Variants in NOG observed in about 807,000 individuals in gnomAD.
The protein encoded by NOG is noggin.
NOG carries 2 observed loss-of-function variants against 17.9 expected under a neutral mutation model. The ratio of observed to expected loss-of-function variants is 0.11; its 90% confidence interval spans 0.05 to 0.35. NOG has a LOEUF of 0.35. Ranked by LOEUF, NOG falls within the 10% of genes least tolerant of loss-of-function variation. The pLI is 1.00. For missense variants in NOG, 266 were observed against 318.6 expected, an observed-to-expected ratio of 0.83 and a Z score of 1.26; for synonymous variants, 166 against 148.7, an observed-to-expected ratio of 1.12 and a Z score of -0.85.
Position 56,594,207 on chromosome 17 carries a change from G to C in NOG, c.-17G>C, listed in dbSNP as rs1466661720. The C allele has an allele frequency of 2.6e-6, 4 of 1,550,902 alleles. No homozygotes were observed. The highest frequency in any genetic ancestry group is 3.5e-6 in the Non-Finnish European group (4 of 1,148,840). ...GGACGCGGGACGAAGCAGCAGCCCC[G>C]GGCGCGCGCCAGAGGCATGGAGCGC... is the stretch of plus-strand genomic sequence containing the variant. On this transcript the variant is annotated 5_prime_UTR_variant, in exon 1 of 1. Coordinates refer to ENST00000332822, the MANE Select transcript of NOG (RefSeq NM_005450.6).
rs1029624810 is a variant in NOG at position 56,594,107 on chromosome 17, C to G, written c.-117C>G. 1.2e-6 allele frequency: 1 copy of G among 854,644 alleles called. No homozygotes were observed. Among genetic ancestry groups the G allele is most frequent in the African/African-American group, 1.8e-5 (1 of 55,136 alleles). 52.9% of individuals were successfully genotyped at this position (854,644 alleles called of 1,614,324 possible). ...CTCATGCTGCCGGCCCTGCGCCTGCCCAGCCTCGGGTGAGCCGCCTCCGGA... is the reference window on the plus strand; with the variant it reads ...CTCATGCTGCCGGCCCTGCGCCTGCGCAGCCTCGGGTGAGCCGCCTCCGGA... On this transcript the variant is annotated 5_prime_UTR_variant, in exon 1 of 1. Coordinates refer to ENST00000332822, the MANE Select transcript of NOG (RefSeq NM_005450.6).
At position 56,594,537 on chromosome 17, in the gene NOG, A is replaced by T; in HGVS notation, c.314A>T (p.Asp105Val). ...GGCGCGGAGGACCTGGCGGAGCTGG[A>T]CCAGCTGCTGCGGCAGCGGCCGTCG... ...AGGAEDLAEL[D>V]QLLRQRPSGA... The change falls in exon 1 of 1, where the codon GAC becomes GTC. Residue 105 changes from aspartate (D) to valine (V), a missense_variant. Asp to Val is a radical substitution (Grantham distance 152, BLOSUM62 -3). Around this residue, in one of 2 missense-constraint regions of NOG, gnomAD observed 192 missense variants for 197.6 expected, o/e 0.97. Transcript: ENST00000332822. 2 of 1,599,650 alleles carry T rather than the reference A, an allele frequency of 1.3e-6. No homozygotes were observed. Among genetic ancestry groups the T allele is most frequent in the Non-Finnish European group, 1.7e-6 (2 of 1,172,306 alleles).
rs766177414 is a variant in NOG, at chr17:56,594,396, A to G, written c.173A>G (p.Glu58Gly). ...EHPDPIFDPKEKDLNETLLRS... is the reference protein window; with the variant it reads ...EHPDPIFDPKGKDLNETLLRS... ...CCAGACCCTATCTTTGACCCCAAGG[A>G]AAAGGATCTGAACGAGACGCTGCTG... Residue 58 changes from glutamate to glycine, a missense_variant, in exon 1 of 1, where the codon GAA becomes GGA. Glu to Gly is a moderately conservative substitution (Grantham distance 98). Coordinates refer to ENST00000332822, the MANE Select transcript of NOG (RefSeq NM_005450.6). 34 of 1,613,186 alleles carry G rather than the reference A, an allele frequency of 2.1e-5. No homozygotes were observed. The highest frequency in any genetic ancestry group is 2.7e-5 in the Non-Finnish European group (32 of 1,179,768).
chr17:56,594,121 G>C lies in NOG; in HGVS notation c.-103G>C. Reference sequence around the variant, plus strand: ...CCTGCGCCTGCCCAGCCTCGGGTGAGCCGCCTCCGGAGAGACGGGGGAGCG... The same window carrying C: ...CCTGCGCCTGCCCAGCCTCGGGTGACCCGCCTCCGGAGAGACGGGGGAGCG... On this transcript the variant is annotated 5_prime_UTR_variant, in exon 1 of 1. Transcript: ENST00000332822. The C allele has an allele frequency of 9.6e-7, 1 of 1,040,372 alleles. No individual in the cohort carries two copies. The highest frequency in any genetic ancestry group is 1.8e-5 in the South Asian group (1 of 56,752). The allele number at this position is 1,040,372 out of a possible 1,614,324, so 64.4% of individuals were successfully genotyped here. A position where few individuals can be genotyped will look rare whatever the true frequency, so the allele number is the denominator to read the frequency against.
rs183274390 is a variant in NOG, at chr17:56,594,151, G to C, written c.-73G>C. The stretch of plus-strand genomic sequence containing the variant: ...CTCCGGAGAGACGGGGGAGCGCGGC[G>C]GCGCCGCGGGCTCGGCGTGCTCTCC... On this transcript the variant is annotated 5_prime_UTR_variant, in exon 1 of 1. Coordinates refer to ENST00000332822, the MANE Select transcript of NOG (RefSeq NM_005450.6). 1.5e-6 allele frequency: 2 copies of C among 1,337,976 alleles called. No homozygotes were observed. Among genetic ancestry groups the C allele is most frequent in the African/African-American group, 3.1e-5 (2 of 65,442 alleles). 82.9% of individuals were successfully genotyped at this position (1,337,976 alleles called of 1,614,324 possible). A position where few individuals can be genotyped will look rare whatever the true frequency, so the allele number is the denominator to read the frequency against.
rs202015803 is a variant in NOG at position 56,594,784 on chromosome 17, C to T, written c.561C>T (p.Pro187=). Reference sequence around the variant, plus strand: ...TCAGTAAGCGCTCGTGCTCCGTGCCCGAGGGCATGGTGTGCAAGCCGTCCA... The same window carrying T: ...TCAGTAAGCGCTCGTGCTCCGTGCCTGAGGGCATGGTGTGCAAGCCGTCCA... The part of the protein sequence containing the change: ...SCFSKRSCSV[P]EGMVCKPSKS... The change falls in exon 1 of 1, where the codon CCC becomes CCT. Residue 187 remains proline (P), a synonymous_variant. Coordinates refer to ENST00000332822, the MANE Select transcript of NOG (RefSeq NM_005450.6). 3.7e-6 allele frequency: 6 copies of T among 1,612,936 alleles called. No individual in the cohort carries two copies. The highest frequency in any genetic ancestry group is 3.3e-5 in the South Asian group (3 of 90,980).
rs138481449 is a variant in NOG at position 56,594,474 on chromosome 17, C to A, written c.251C>A (p.Pro84His). 1.2e-3 allele frequency: 1,886 copies of A among 1,611,744 alleles called. 1 individual carries two copies. The highest frequency in any genetic ancestry group is 9.4e-4 in the Non-Finnish European group (1,111 of 1,179,200). Residue 84 changes from proline (P) to histidine (H), a missense_variant, in exon 1 of 1, where the codon CCC (proline) becomes CAC (histidine). Pro to His is a moderately conservative substitution (Grantham distance 77). Coordinates refer to ENST00000332822, the MANE Select transcript of NOG (RefSeq NM_005450.6). ...CCAGGCTTCATGGCCACCTCGCCCC[C>A]CGAGGACCGGCCCGGCGGGGGCGGG... Reference protein sequence around the residue: ...YDPGFMATSPPEDRPGGGGGA... With the variant: ...YDPGFMATSPHEDRPGGGGGA...
In NOG at chr17:56,594,919, C is replaced by T. The variant is rs387906844; in HGVS notation, c.696C>T (p.Cys232=). The change falls in exon 1 of 1, where the codon TGC becomes TGT. Residue 232 remains cysteine (C), a synonymous_variant. Transcript: ENST00000332822. The part of the protein sequence containing the change: ...YPIISECKCS[C] ...TCATTTCCGAGTGCAAGTGCTCGTG[C>T]TAGAACTCGGGGGCCCCCTGCCCGC... The T allele has an allele frequency of 3.8e-6, 6 of 1,569,984 alleles. No individual in the cohort carries two copies. The South Asian group carries it at 7.0e-5, about 18-fold the overall frequency.
chr17:56,594,495 G>T lies in NOG; in HGVS notation c.272G>T (p.Gly91Val). The stretch of plus-strand genomic sequence containing the variant: ...CCCCCCGAGGACCGGCCCGGCGGGG[G>T]CGGGGGTGCAGCTGGGGGCGCGGAG... ...TSPPEDRPGG[G>V]GGAAGGAEDL... The change falls in exon 1 of 1, where the codon GGC (glycine) becomes GTC (valine). Residue 91 changes from glycine (G) to valine (V), a missense_variant. This residue lies in a region of NOG where 192 missense variants were observed against 197.6 expected (regional missense o/e 0.97). Transcript: ENST00000332822. 6.2e-7 allele frequency: 1 copy of T among 1,609,678 alleles called. No individual in the cohort carries two copies. Among genetic ancestry groups the T allele is most frequent in the Middle Eastern group, 1.7e-4 (1 of 6,050 alleles).
In NOG at chr17:56,594,545, C is replaced by T. The variant is rs760935394; in HGVS notation, c.322C>T (p.Leu108=). ...GGACCTGGCGGAGCTGGACCAGCTG[C>T]TGCGGCAGCGGCCGTCGGGGGCCAT... ...AEDLAELDQL[L]RQRPSGAMPS... Residue 108 remains leucine (L), a synonymous_variant, in exon 1 of 1, where the codon CTG becomes TTG. Coordinates refer to ENST00000332822, the MANE Select transcript of NOG (RefSeq NM_005450.6). 3 of 1,596,078 alleles carry T rather than the reference C, an allele frequency of 1.9e-6. No individual in the cohort carries two copies. Among genetic ancestry groups the T allele is most frequent in the South Asian group, 1.1e-5 (1 of 89,694 alleles).
At position 56,595,568 on chromosome 17, in the gene NOG, A is replaced by C. The variant is rs1334437136; in HGVS notation, c.*646A>C. On this transcript the variant is annotated 3_prime_UTR_variant, in exon 1 of 1. Coordinates refer to ENST00000332822, the MANE Select transcript of NOG (RefSeq NM_005450.6). ...TTTATAATATCCCGTGTAGTAAATG[A>C]GAAAGAAGTGCAGAGCAGGATTAAA... 1.2e-5 allele frequency: 2 copies of C among 166,648 alleles called. No homozygotes were observed. Among genetic ancestry groups the C allele is most frequent in the Non-Finnish European group, 2.9e-5 (2 of 68,066 alleles). The allele number at this position is 166,648 out of a possible 1,614,324, so 10.3% of individuals were successfully genotyped here. A position where few individuals can be genotyped will look rare whatever the true frequency, so the allele number is the denominator to read the frequency against.
Position 56,594,197 on chromosome 17 carries a change from C to T in NOG, c.-27C>T. On this transcript the variant is annotated 5_prime_UTR_variant, in exon 1 of 1. Coordinates refer to ENST00000332822, the MANE Select transcript of NOG (RefSeq NM_005450.6). Reference sequence around the variant, plus strand: ...TCTCCTCCGGGGACGCGGGACGAAGCAGCAGCCCCGGGCGCGCGCCAGAGG... The same window carrying T: ...TCTCCTCCGGGGACGCGGGACGAAGTAGCAGCCCCGGGCGCGCGCCAGAGG... 2 of 1,536,302 alleles carry T rather than the reference C, an allele frequency of 1.3e-6. No homozygotes were observed. Among genetic ancestry groups the T allele is most frequent in the Non-Finnish European group, 1.8e-6 (2 of 1,139,686 alleles).
At position 56,595,014 on chromosome 17, in the gene NOG, C is replaced by A. The variant is rs1459389116; in HGVS notation, c.*92C>A. ...TCCAACCAGTTCCACCACCCTCTAG[C>A]GAGGGTTTTCAATGAACTTTTTTTT... On this transcript the variant is annotated 3_prime_UTR_variant, in exon 1 of 1. Transcript: ENST00000332822. 2 of 662,516 alleles carry A rather than the reference C, an allele frequency of 3.0e-6. No individual in the cohort carries two copies. Among genetic ancestry groups the A allele is most frequent in the African/African-American group, 2.2e-5 (1 of 45,894 alleles). 41.0% of individuals were successfully genotyped at this position (662,516 alleles called of 1,614,324 possible).
In NOG at chr17:56,593,871, G is replaced by A. The variant is rs987826882; in HGVS notation, c.-353G>A. On this transcript the variant is annotated 5_prime_UTR_variant, in exon 1 of 1. Transcript: ENST00000332822. ...AGAGCAGCGAGAGGAGGAGGGGAGA[G>A]CGGCTCGTCCACGCGCCCTGCGCCG... The A allele has an allele frequency of 1.7e-4, 46 of 275,052 alleles. No individual in the cohort carries two copies. The highest frequency in any genetic ancestry group is 5.4e-5 in the Non-Finnish European group (8 of 148,594). The allele number at this position is 275,052 out of a possible 1,614,324, so 17.0% of individuals were successfully genotyped here.
Position 56,594,401 on chromosome 17 carries a change from G to T in NOG, c.178G>T (p.Asp60Tyr). 1 of 1,613,304 alleles carries T rather than the reference G, an allele frequency of 6.2e-7. No individual in the cohort carries two copies. Among genetic ancestry groups the T allele is most frequent in the Non-Finnish European group, 8.5e-7 (1 of 1,179,782 alleles). ...PDPIFDPKEK[D>Y]LNETLLRSLL... ...CCCTATCTTTGACCCCAAGGAAAAG[G>T]ATCTGAACGAGACGCTGCTGCGCTC... The change falls in exon 1 of 1, where the codon GAT (aspartate) becomes TAT (tyrosine). Residue 60 changes from aspartate to tyrosine, a missense_variant. This residue lies in a region of NOG where 192 missense variants were observed against 197.6 expected (regional missense o/e 0.97). Transcript: ENST00000332822.
rs144715174 is a variant in NOG at position 56,595,229 on chromosome 17, GAAAA to G, written c.*314_*317del. ...TATTTTTAAAAAAAAGTAAGCAAAAGAAAAAAAAAAGAACAGAGAAAAGAGAGAC... is the reference window on the plus strand; with the variant it reads ...TATTTTTAAAAAAAAGTAAGCAAAAGAAAAAAGAACAGAGAAAAGAGAGAC... On this transcript the variant is annotated 3_prime_UTR_variant, in exon 1 of 1. Transcript: ENST00000332822. 2 of 216,572 alleles carry G rather than the reference GAAAA, an allele frequency of 9.2e-6. No individual in the cohort carries two copies. The highest frequency in any genetic ancestry group is 1.9e-5 in the Non-Finnish European group (2 of 105,248). The allele number at this position is 216,572 out of a possible 1,614,324, so 13.4% of individuals were successfully genotyped here.
At position 56,594,163 on chromosome 17, in the gene NOG, T is replaced by A; in HGVS notation, c.-61T>A. 7.0e-7 allele frequency: 1 copy of A among 1,430,022 alleles called. No individual in the cohort carries two copies. Among genetic ancestry groups the A allele is most frequent in the Non-Finnish European group, 9.4e-7 (1 of 1,066,162 alleles). 88.6% of individuals were successfully genotyped at this position (1,430,022 alleles called of 1,614,324 possible). A position where few individuals can be genotyped will look rare whatever the true frequency, so the allele number is the denominator to read the frequency against. On this transcript the variant is annotated 5_prime_UTR_variant, in exon 1 of 1. Coordinates refer to ENST00000332822, the MANE Select transcript of NOG (RefSeq NM_005450.6). ...GGGGGAGCGCGGCGGCGCCGCGGGC[T>A]CGGCGTGCTCTCCTCCGGGGACGCG... is the stretch of plus-strand genomic sequence containing the variant.
rs773820340 is a variant in NOG, at chr17:56,594,319, C to T, written c.96C>T (p.His32=). The T allele has an allele frequency of 6.2e-7, 1 of 1,613,068 alleles. No homozygotes were observed. Among genetic ancestry groups the T allele is most frequent in the East Asian group, 2.2e-5 (1 of 44,862 alleles). The change falls in exon 1 of 1, where the codon CAC becomes CAT. Residue 32 remains histidine (H), a synonymous_variant. Transcript: ENST00000332822. Reference sequence around the variant, plus strand: ...CGGCCGGCGGCCAGCACTATCTCCACATCCGCCCGGCACCCAGCGACAACC... The same window carrying T: ...CGGCCGGCGGCCAGCACTATCTCCATATCCGCCCGGCACCCAGCGACAACC... ...ATPAGGQHYL[H]IRPAPSDNLP... is the part of the protein sequence containing the mutation.
chr17:56,594,764 A>G lies in NOG; in HGVS notation c.541A>G (p.Lys181Glu), dbSNP rs2052471528. The G allele has an allele frequency of 6.2e-7, 1 of 1,613,726 alleles. No individual in the cohort carries two copies. The highest frequency in any genetic ancestry group is 1.7e-5 in the Admixed American group (1 of 60,006). Residue 181 changes from lysine to glutamate, a missense_variant, in exon 1 of 1, where the codon AAG becomes GAG. By Grantham distance (56) the Lys-to-Glu change is moderately conservative (BLOSUM62 1). Coordinates refer to ENST00000332822, the MANE Select transcript of NOG (RefSeq NM_005450.6). ...RYVKVGSCFS[K>E]RSCSVPEGMV... ...CGTGAAGGTGGGCAGCTGCTTCAGT[A>G]AGCGCTCGTGCTCCGTGCCCGAGGG...
Sources: gnomAD v4.1 joint callset for allele counts on GRCh38, gnomAD v4.1.1 for gene constraint, gnomAD v4.1.1 regional missense constraint, MANE v1.5 for transcripts, NCBI Gene and HGNC (gene_info 2026-07-23, HGNC 2026-07-21) for gene names.